The following DZIP3 variants were observed in gnomAD, a reference collection of about 807,000 sequenced individuals.
DZIP3 encodes DAZ interacting zinc finger protein 3.
In DZIP3, 118 loss-of-function variants were observed where a neutral mutation model predicts 162.0. That is an observed-to-expected ratio of 0.73 (90% CI 0.63 to 0.85). DZIP3 has a LOEUF of 0.85. Ranked by LOEUF, DZIP3 falls within the 40% of genes least tolerant of loss-of-function variation. The pLI is 0.00. For synonymous variants in DZIP3, 438 were observed against 458.6 expected, an observed-to-expected ratio of 0.96 and a Z score of 0.57; for missense variants, 1,331 against 1,407.0, an observed-to-expected ratio of 0.95 and a Z score of 0.86.
intron 5 of DZIP3, among the ~76,000 whole-genome samples, chr3:108,622,239 G>A (rs1368998595): frequency 6.6e-6 from 1 of 152,158 alleles, no homozygotes; most frequent in Non-Finnish European, 1.5e-5. Flanking sequence ...GGAAGGGTAG[G>A]TGGGGGTTGG....
intron 4 of DZIP3, among the ~76,000 whole-genome samples, chr3:108,611,872 G>A (rs1460806201): frequency 6.6e-6 from 1 of 151,932 alleles, no homozygotes; most frequent in African/African-American, 2.4e-5. Context: ...GGCTGAGGCA[G>A]GAGAATCGGT....
At chr3:108,675,710 G>T (rs1201415571) in intron 24 of DZIP3, 76 bp from the exon 25 acceptor site, 14 of 1,293,964 alleles carry the variant, frequency 1.1e-5, no homozygotes, top group Non-Finnish European at 1.5e-5. Context: ...ATGCTAGAAA[G>T]CGTGATAGAC....
At chr3:108,599,188 T>G (rs928571595) in intron 1 of DZIP3, among the ~76,000 whole-genome samples, 2 of 152,228 alleles carry the variant, frequency 1.3e-5, no homozygotes. Context: ...ACAGTGATCT[T>G]TGCAAAGTGG....
intron 2 of DZIP3, among the ~76,000 whole-genome samples, chr3:108,607,001 G>C (rs1348789111): frequency 6.6e-6 from 1 of 152,186 alleles, no homozygotes; most frequent in African/African-American, 2.4e-5. Flanking sequence ...AACCTTGAAA[G>C]ACTTCAGAAT....
intron 21 of DZIP3, among the ~76,000 whole-genome samples, chr3:108,667,057 C>T (rs1226911439): frequency 1.3e-5 from 2 of 151,802 alleles, no homozygotes; most frequent in Non-Finnish European, 2.9e-5. Context: ...CAGTGGTGCA[C>T]ACCTGTAGTC....
chr3:108,596,040 G>T (rs1939696736), intron 1 of DZIP3, among the ~76,000 whole-genome samples: 1 of 152,136 alleles, frequency 6.6e-6, no homozygotes, highest in African/African-American at 2.4e-5. Context: ...AAGTATTAGG[G>T]AGTGAAAAAA....
chr3:108,644,568 A>G lies in DZIP3; in HGVS notation c.1546A>G (p.Ile516Val), dbSNP rs748543493. The G allele has an allele frequency of 2.5e-6, 4 of 1,614,108 alleles. No individual in the cohort carries two copies. Among genetic ancestry groups the G allele is most frequent in the Non-Finnish European group, 3.4e-6 (4 of 1,179,972 alleles). Reference protein sequence around the residue: ...CKYRDILLSEILMNGLTESQF... With the variant: ...CKYRDILLSEVLMNGLTESQF... Reference sequence around the variant, plus strand: ...ATACAGGGATATCCTCCTTAGTGAGATTTTGATGAATGGTCTCACTGAGTC... The same window carrying G: ...ATACAGGGATATCCTCCTTAGTGAGGTTTTGATGAATGGTCTCACTGAGTC... The change falls in exon 14 of 33, where the codon ATT (isoleucine) becomes GTT (valine). Residue 516 changes from isoleucine to valine, a missense_variant. Physicochemically the swap from Ile to Val is conservative, Grantham distance 29 (BLOSUM62 3). This residue lies in a region of DZIP3 where 1,278 missense variants were observed against 1,317.1 expected (regional missense o/e 0.97). Coordinates refer to ENST00000361582, the MANE Select transcript of DZIP3 (RefSeq NM_014648.4).
chr3:108,682,017 T>A (rs1037966144), intron 26 of DZIP3, among the ~76,000 whole-genome samples: 1 of 150,398 alleles, frequency 6.6e-6, no homozygotes, highest in Non-Finnish European at 1.5e-5. Flanking sequence ...CCATGGCACA[T>A]GTATACCTAT....
intron 1 of DZIP3, among the ~76,000 whole-genome samples, chr3:108,593,718 C>T (rs1315510925): frequency 1.3e-5 from 2 of 149,028 alleles, no homozygotes; most frequent in East Asian, 3.9e-4. Flanking sequence ...CTCTGTTGCC[C>T]AGGCTGGAGT....
rs565022113 is a variant in DZIP3, at chr3:108,648,157, G to T, written c.1962+45G>T. On this transcript the variant is annotated intron_variant, in intron 16 of 32. Transcript: ENST00000361582. ...TTTGAGTTAGAAGAACTTATTCTGG[G>T]CCTTTAATTTGTTGCATGTGCTGTA... 4.6e-6 allele frequency: 7 copies of T among 1,524,994 alleles called. No individual in the cohort carries two copies. The South Asian group carries it at 9.3e-5, about 20-fold the overall frequency. 94.5% of individuals were successfully genotyped at this position (1,524,994 alleles called of 1,614,324 possible). A position where few individuals can be genotyped will look rare whatever the true frequency, so the allele number is the denominator to read the frequency against.
At chr3:108,655,294 T>G (rs1209429964) in intron 19 of DZIP3, among the ~76,000 whole-genome samples, 2 of 152,198 alleles carry the variant, frequency 1.3e-5, no homozygotes, top group Non-Finnish European at 2.9e-5. Flanking sequence ...GTGGATAAGT[T>G]GAACATTAAA....
intron 27 of DZIP3, among the ~76,000 whole-genome samples, chr3:108,685,081 T>G (rs987187407): frequency 6.6e-5 from 10 of 152,190 alleles, no homozygotes; most frequent in African/African-American, 2.4e-4. Context: ...GCTAACAGTT[T>G]CCTTTTGAAA....
intron 21 of DZIP3, among the ~76,000 whole-genome samples, chr3:108,663,484 A>G (rs1943534788): frequency 1.3e-5 from 2 of 149,278 alleles, no homozygotes; most frequent in East Asian, 4.1e-4. Context: ...TGAACCCAGG[A>G]GGCGGAGGTT....
intron 19 of DZIP3, among the ~76,000 whole-genome samples, chr3:108,656,093 G>A (rs1352334542): frequency 2.0e-5 from 3 of 152,216 alleles, no homozygotes; most frequent in African/African-American, 4.8e-5. Flanking sequence ...ACAAAAGGCA[G>A]CAGAAACCTC....
chr3:108,657,153 A>C lies in DZIP3; in HGVS notation c.2199+2843A>C, dbSNP rs867604761. 4.1e-3 allele frequency among the ~76,000 whole-genome samples: 617 copies of C among 152,200 alleles called. 3 individuals are homozygous for C. Among genetic ancestry groups the C allele is most frequent in the African/African-American group, 0.014 (567 of 41,510 alleles). The stretch of plus-strand genomic sequence containing the variant: ...ATACAGAGAACGCCACAAAGATACT[A>C]CTCGAGAAGAGCAACTCCAAGACAC... On this transcript the variant is annotated intron_variant, in intron 19 of 32. Coordinates refer to ENST00000361582, the MANE Select transcript of DZIP3 (RefSeq NM_014648.4).
intron 8 of DZIP3, among the ~76,000 whole-genome samples, chr3:108,631,109 G>A: frequency 9.7e-6 from 1 of 103,454 alleles, no homozygotes; most frequent in Non-Finnish European, 1.9e-5. Context: ...CCTACTGGTA[G>A]TTATGTTTTT....
At chr3:108,652,500 C>T (rs1942909280) in intron 18 of DZIP3, among the ~76,000 whole-genome samples, 1 of 151,734 alleles carries the variant, frequency 6.6e-6, no homozygotes, top group Admixed American at 6.6e-5. Context: ...GATGGTGGTC[C>T]CATAAAATTA....
chr3:108,648,858 C>G (rs1942743326), intron 16 of DZIP3, 60 bp from the exon 17 acceptor site: 1 of 971,658 alleles, frequency 1.0e-6, no homozygotes, highest in African/African-American at 1.8e-5. Context: ...ATATATTTTG[C>G]AAAATAACCC....
intron 26 of DZIP3, among the ~76,000 whole-genome samples, chr3:108,679,858 A>G (rs1944241709): frequency 6.6e-6 from 1 of 152,108 alleles, no homozygotes; most frequent in Non-Finnish European, 1.5e-5. Context: ...GACTTCTATG[A>G]AAGTGTGGAT....
Sources: gnomAD v4.1 joint callset for allele counts (sites outside exome capture counted in the v4.1 genomes callset) on GRCh38, gnomAD v4.1.1 for gene constraint, gnomAD v4.1.1 regional missense constraint, MANE v1.5 for transcripts, NCBI Gene and HGNC (gene_info 2026-07-23, HGNC 2026-07-21) for gene names.